ADAMTSL3: variants seen among roughly 807,000 people sequenced by gnomAD.
The protein encoded by ADAMTSL3 is ADAMTS like 3, also known as ADAMTS-like protein 3.
A neutral mutation model predicts 201.7 loss-of-function variants in ADAMTSL3; 128 were observed. The observed-to-expected ratio is 0.63, with a 90% CI of 0.55 to 0.73. The LOEUF (loss-of-function observed/expected upper bound fraction) is 0.73. Among genes scored for constraint, ADAMTSL3 ranks in the 30% least tolerant of loss-of-function variants. The pLI, the probability that ADAMTSL3 is intolerant of heterozygous loss-of-function variation, is 0.00. For missense variants in ADAMTSL3, 1,990 were observed against 2,119.6 expected, an observed-to-expected ratio of 0.94 and a Z score of 1.20; for synonymous variants, 738 against 748.4, an observed-to-expected ratio of 0.99 and a Z score of 0.23.
intron 25 of ADAMTSL3, among the ~76,000 whole-genome samples, chr15:84,018,285 T>C (rs1378447152): frequency 6.6e-6 from 1 of 152,182 alleles, no homozygotes; most frequent in Non-Finnish European, 1.5e-5. Flanking sequence ...CTTCAAAGGA[T>C]CCTTAGCTTA....
intron 2 of ADAMTSL3, among the ~76,000 whole-genome samples, chr15:83,700,280 C>G (rs1038845870): frequency 2.0e-5 from 3 of 152,216 alleles, no homozygotes; most frequent in African/African-American, 7.2e-5. Flanking sequence ...AAGCCTGCGT[C>G]TGTTCCTCAA....
intron 28 of ADAMTSL3, 100 bp downstream of exon 28, chr15:84,031,532 C>A (rs1567314492): frequency 5.7e-6 from 6 of 1,044,938 alleles, no homozygotes; most frequent in Non-Finnish European, 5.8e-6. Flanking sequence ...TTTCTACCAA[C>A]TCTCATAATT....
chr15:83,990,521 T>C (rs74026634), intron 22 of ADAMTSL3, among the ~76,000 whole-genome samples: 7,876 of 152,180 alleles, frequency 0.052, 699 homozygotes, highest in African/African-American at 0.18. Flanking sequence ...AATGTTTACA[T>C]TGGAAAAAAC....
intron 6 of ADAMTSL3, among the ~76,000 whole-genome samples, chr15:83,823,893 C>CTCTTCTTCTTCTTCTTCTTCTTCT (rs759090787): frequency 4.3e-5 from 4 of 93,112 alleles, no homozygotes; most frequent in Non-Finnish European, 6.1e-5. Context: ...CTTCTTCTTC[C>CTCTTCTTCTTCTTCTTCTTCTTCT]TCTTCTTCTT....
rs369588656 is a variant in ADAMTSL3 at position 83,744,146 on chromosome 15, G to T, written c.190-29377G>T. Among the ~76,000 whole-genome samples the T allele has an allele frequency of 8.5e-4, 130 of 152,084 alleles. 1 individual carries two copies. The Middle Eastern group carries it at 0.017, about 20-fold the overall frequency. On this transcript the variant is annotated intron_variant, in intron 3 of 29. Coordinates refer to ENST00000286744, the MANE Select transcript of ADAMTSL3 (RefSeq NM_207517.3). ...ATTATAGGCGTGAGCCACTGCGCCCGGCCATATCTTTTTTATTTTAAAAAA... is the reference window on the plus strand; with the variant it reads ...ATTATAGGCGTGAGCCACTGCGCCCTGCCATATCTTTTTTATTTTAAAAAA...
chr15:83,749,709 G>A (rs1354671545), intron 3 of ADAMTSL3, among the ~76,000 whole-genome samples: 1 of 152,206 alleles, frequency 6.6e-6, no homozygotes, highest in Non-Finnish European at 1.5e-5. Flanking sequence ...CCTAGATGTA[G>A]AGGATGAATA....
At chr15:83,926,118 A>T (rs1171412670) in intron 17 of ADAMTSL3, among the ~76,000 whole-genome samples, 1 of 152,186 alleles carries the variant, frequency 6.6e-6, no homozygotes, top group African/African-American at 2.4e-5. Flanking sequence ...GAAGCCGGGG[A>T]GGTTGGTGCA....
intron 10 of ADAMTSL3, among the ~76,000 whole-genome samples, chr15:83,887,655 AAGTTGCCC>A (rs1337323332): frequency 2.0e-5 from 3 of 152,208 alleles, no homozygotes; most frequent in African/African-American, 7.2e-5. Flanking sequence ...AGGTCTCACC[AAGTTGCCC>A]AGGCTAGACT....
rs1326116467 is a variant in ADAMTSL3 at position 83,707,219 on chromosome 15, T to TC, written c.189+2712dup. Among the ~76,000 whole-genome samples the TC allele has an allele frequency of 3.3e-4, 51 of 152,332 alleles. 1 individual carries two copies. The stretch of plus-strand genomic sequence containing the variant: ...ACTTCCCTGTCCCTTAATTTTCTCA[T>TC]CTATGAAATGGAGATTTGGATGGTA... On this transcript the variant is annotated intron_variant, in intron 3 of 29. Transcript: ENST00000286744.
intron 23 of ADAMTSL3, 66 bp downstream of exon 23, chr15:83,991,280 C>T: frequency 1.3e-6 from 2 of 1,599,884 alleles, no homozygotes; most frequent in Non-Finnish European, 1.7e-6. Context: ...CCCAGTGTTG[C>T]CAGGAAACAC....
At chr15:83,755,918 A>G (rs1479376848) in intron 3 of ADAMTSL3, among the ~76,000 whole-genome samples, 1 of 152,054 alleles carries the variant, frequency 6.6e-6, no homozygotes, top group Non-Finnish European at 1.5e-5. Context: ...CTGCCACCAC[A>G]TCTGGCTAAT....
At chr15:83,700,777 T>TA (rs1342501600) in intron 2 of ADAMTSL3, among the ~76,000 whole-genome samples, 3 of 151,684 alleles carry the variant, frequency 2.0e-5, no homozygotes, top group Non-Finnish European at 2.9e-5. Context: ...AAAATTAAAG[T>TA]AAAAAAAATA....
chr15:83,760,812 T>G (rs72746921), intron 3 of ADAMTSL3, among the ~76,000 whole-genome samples: 14,306 of 152,142 alleles, frequency 0.094, 853 homozygotes, highest in East Asian at 0.28. Context: ...AGGCTTATGG[T>G]AAGTATTTTT....
intron 25 of ADAMTSL3, among the ~76,000 whole-genome samples, chr15:84,017,877 A>G (rs2068116158): frequency 6.6e-6 from 1 of 152,172 alleles, no homozygotes; most frequent in South Asian, 2.1e-4. Context: ...GATACTGTAA[A>G]GCACTGGGAC....
chr15:83,708,444 G>C (rs1430223247), intron 3 of ADAMTSL3, among the ~76,000 whole-genome samples: 4 of 152,180 alleles, frequency 2.6e-5, no homozygotes. Flanking sequence ...ACATAGCTGT[G>C]ATGTAGGCTG....
intron 2 of ADAMTSL3, among the ~76,000 whole-genome samples, chr15:83,668,838 G>A (rs1344960896): frequency 1.3e-5 from 2 of 152,150 alleles, no homozygotes; most frequent in Non-Finnish European, 2.9e-5. Flanking sequence ...TCTGCTCTGT[G>A]TGTCTCCCAT....
chr15:83,785,127 A>G (rs958357567), intron 4 of ADAMTSL3, among the ~76,000 whole-genome samples: 11 of 152,168 alleles, frequency 7.2e-5, no homozygotes, highest in African/African-American at 2.7e-4. Context: ...TAGTGTGCAT[A>G]TGAATCACCT....
chr15:83,834,492 ATTG>A (rs1179155428), intron 6 of ADAMTSL3, among the ~76,000 whole-genome samples: 1 of 152,124 alleles, frequency 6.6e-6, no homozygotes, highest in East Asian at 1.9e-4. Context: ...TAAAAAAAAA[ATTG>A]TTTTGTTCTT....
At chr15:83,658,964 T>C (rs1370472047) in intron 2 of ADAMTSL3, among the ~76,000 whole-genome samples, 1 of 152,216 alleles carries the variant, frequency 6.6e-6, no homozygotes. Flanking sequence ...CAAGTGCCTT[T>C]AGAAACTGTT....
Sources: gnomAD v4.1 joint callset for allele counts (sites outside exome capture counted in the v4.1 genomes callset) on GRCh38, gnomAD v4.1.1 for gene constraint, MANE v1.5 for transcripts, NCBI Gene and HGNC (gene_info 2026-07-23, HGNC 2026-07-21) for gene names.